Variants in ATP6AP2 observed in about 807,000 individuals in gnomAD.
The protein encoded by ATP6AP2 is renin receptor.
ATP6AP2 carries 1 observed loss-of-function variant against 23.4 expected under a neutral mutation model. That is an observed-to-expected ratio of 0.04 (90% confidence interval 0.02 to 0.20). The LOEUF is 0.20. Among genes scored for constraint, ATP6AP2 ranks in the 10% least tolerant of loss-of-function variants. The pLI is 1.00. For synonymous variants in ATP6AP2, 90 were observed against 97.1 expected, an observed-to-expected ratio of 0.93 and a Z score of 0.43; for missense variants, 174 against 271.3, an observed-to-expected ratio of 0.64 and a Z score of 2.52.
chrX:40,594,565 G>A (rs1249467663), intron 3 of ATP6AP2, among the ~76,000 whole-genome samples: 3 of 112,739 alleles, frequency 2.7e-5, no homozygotes, highest in African/African-American at 9.7e-5. Context: ...CAGAGCGCAT[G>A]GATGGCTCAG....
At chrX:40,594,298 G>T (rs959121581) in intron 3 of ATP6AP2, among the ~76,000 whole-genome samples, 4 of 111,097 alleles carry the variant, frequency 3.6e-5, no homozygotes, top group Non-Finnish European at 5.7e-5. Flanking sequence ...CACCCAGTAG[G>T]CAAAAGCCAG....
At chrX:40,581,858 T>C (rs1162744287) in intron 1 of ATP6AP2, among the ~76,000 whole-genome samples, 1 of 111,635 alleles carries the variant, frequency 9.0e-6, no homozygotes, top group Non-Finnish European at 1.9e-5. Context: ...TTGACAGCAG[T>C]CCTTAGAGGG....
chrX:40,589,035 T>C lies in ATP6AP2; in HGVS notation c.87T>C (p.Val29=), dbSNP rs1297832850. The C allele has an allele frequency of 1.2e-5, 14 of 1,208,290 alleles. No homozygotes were observed. Among genetic ancestry groups the C allele is most frequent in the Non-Finnish European group, 1.6e-5 (14 of 894,124 alleles). ...TATTAAAATCACCAGGGTCTGTTGT[T>C]TTCCGAAATGGAAATTGGCCTATAC... ...FSILKSPGSV[V]FRNGNWPIPG... is the part of the protein sequence containing the mutation. The change falls in exon 2 of 9, where the codon GTT becomes GTC. Residue 29 remains valine (V), a synonymous_variant. Coordinates refer to ENST00000636580, the MANE Select transcript of ATP6AP2 (RefSeq NM_005765.3).
Position 40,605,916 on chromosome X carries a change from T to C in ATP6AP2, c.*161T>C, listed in dbSNP as rs762002816. On this transcript the variant is annotated 3_prime_UTR_variant, in exon 9 of 9. Coordinates refer to ENST00000636580, the MANE Select transcript of ATP6AP2 (RefSeq NM_005765.3). ...GTGTGCCTGTGATGTTTTTCTAGAG[T>C]GAATTATAGTATTGACGTGAATCCC... is the stretch of plus-strand genomic sequence containing the variant. 1 of 477,862 alleles carries C rather than the reference T, an allele frequency of 2.1e-6. No homozygotes were observed. Among genetic ancestry groups the C allele is most frequent in the Admixed American group, 3.8e-5 (1 of 26,521 alleles). The allele number at this position is 477,862 out of a possible 1,213,427, so 39.4% of individuals were successfully genotyped here.
chrX:40,597,698 C>T, intron 5 of ATP6AP2, 34 bp downstream of exon 5: 3 of 1,163,978 alleles, frequency 2.6e-6, no homozygotes, highest in Non-Finnish European at 3.5e-6. Context: ...ACATGAATAT[C>T]ATTAATTTCC....
At chrX:40,595,503 A>G (rs1327284267) in intron 3 of ATP6AP2, among the ~76,000 whole-genome samples, 14 of 112,388 alleles carry the variant, frequency 1.2e-4, no homozygotes, top group African/African-American at 4.5e-4. Flanking sequence ...AGCTGCCTAT[A>G]TAATTATTTC....
intron 8 of ATP6AP2, among the ~76,000 whole-genome samples, chrX:40,604,162 TA>T (rs199588678): frequency 0.11 from 12,288 of 111,241 alleles, 1,269 homozygotes; most frequent in African/African-American, 0.3. Flanking sequence ...CTCTGTATTT[TA>T]AAAAAAAGTG....
In ATP6AP2 at chrX:40,586,326, C is replaced by T. The variant is rs188294498; in HGVS notation, c.38-2660C>T. Among the ~76,000 whole-genome samples, 321 of 111,696 alleles carry T rather than the reference C, an allele frequency of 2.9e-3. 1 individual carries two copies. The highest frequency in any genetic ancestry group is 0.01 in the African/African-American group (310 of 30,749). On this transcript the variant is annotated intron_variant, in intron 1 of 8. Coordinates refer to ENST00000636580, the MANE Select transcript of ATP6AP2 (RefSeq NM_005765.3). ...TGTCCTAGAAGAGTGGCTTCCTTAA[C>T]AAACAGTGAAGGAACAAAGGTCCCT...
rs1057522068 is a variant in ATP6AP2, at chrX:40,605,669, A to G, written c.967A>G (p.Ile323Val). ...IMIALALAVIITSYNIWNMDP... is the reference protein window; with the variant it reads ...IMIALALAVIVTSYNIWNMDP... ...GATCGCCTTGGCCTTGGCTGTGATT[A>G]TCACCTCTTACAATATTTGGAACAT... Residue 323 changes from isoleucine to valine, a missense_variant, in exon 9 of 9, where the codon ATC becomes GTC. By Grantham distance (29) the Ile-to-Val change is conservative. Coordinates refer to ENST00000636580, the MANE Select transcript of ATP6AP2 (RefSeq NM_005765.3). 2.5e-6 allele frequency: 3 copies of G among 1,208,102 alleles called. No individual in the cohort carries two copies. The highest frequency in any genetic ancestry group is 1.7e-5 in the African/African-American group (1 of 57,756).
At chrX:40,599,256 A>G in intron 6 of ATP6AP2, 1 of 262,170 alleles carries the variant, frequency 3.8e-6, no homozygotes, top group African/African-American at 2.8e-5. Context: ...CTGGAAGTGT[A>G]GTGCATTCCT....
chrX:40,597,732 G>T, intron 5 of ATP6AP2, 68 bp downstream of exon 5: 1 of 1,088,164 alleles, frequency 9.2e-7, no homozygotes. Context: ...ATAGAGACAG[G>T]GTCTCACTCT....
chrX:40,598,521 G>C, intron 5 of ATP6AP2, 160 bp from the exon 6 acceptor site: 1 of 535,573 alleles, frequency 1.9e-6, no homozygotes, highest in Non-Finnish European at 3.2e-6. Context: ...TGTTTTATAT[G>C]CATTTTCAAT....
intron 2 of ATP6AP2, chrX:40,589,809 G>A (rs1314445515): frequency 3.6e-5 from 4 of 111,422 alleles, no homozygotes; most frequent in Admixed American, 1.9e-4. Context: ...CAGCTTGCTC[G>A]GTGCTATCAT....
intron 3 of ATP6AP2, chrX:40,596,838 C>A: frequency 8.3e-6 from 1 of 120,289 alleles, no homozygotes; most frequent in Admixed American, 8.4e-5. Context: ...ATTTTTATTT[C>A]AATTAAATTC....
At chrX:40,598,787 T>A in intron 6 of ATP6AP2, 53 bp downstream of exon 6, 2 of 1,102,088 alleles carry the variant, frequency 1.8e-6, no homozygotes, top group Non-Finnish European at 2.5e-6. Context: ...TTCTAGAGAA[T>A]CCTTGAATAA....
In ATP6AP2 at chrX:40,605,940, C is replaced by T. The variant is rs182598020; in HGVS notation, c.*185C>T. ...GTGAATTATAGTATTGACGTGAATC[C>T]CACTGTGGTATAGATTCCATAATAT... On this transcript the variant is annotated 3_prime_UTR_variant, in exon 9 of 9. Transcript: ENST00000636580. The T allele has an allele frequency of 1.4e-4, 61 of 431,392 alleles. 2 individuals carry two copies. In the East Asian group the frequency reaches 2.2e-3, roughly 15 times the overall value. The allele number at this position is 431,392 out of a possible 1,213,427, so 35.6% of individuals were successfully genotyped here.
Position 40,602,667 on chromosome X carries a change from C to A in ATP6AP2, c.858+1786C>A, listed in dbSNP as rs1483820838. On this transcript the variant is annotated intron_variant, in intron 8 of 8. Transcript: ENST00000636580. ...TCCATCTCAAAAAAAAAAAAAAAAA[C>A]CGAATGTGGTAAGCAGGCCGCCCTA... is the stretch of plus-strand genomic sequence containing the variant. Among the ~76,000 whole-genome samples the A allele has an allele frequency of 5.9e-5, 6 of 101,757 alleles. No individual in the cohort carries two copies. The South Asian group carries it at 2.7e-3, about 46-fold the overall frequency. The allele number at this position is 101,757 out of a possible 115,157, so 88.4% of individuals were successfully genotyped here.
intron 3 of ATP6AP2, among the ~76,000 whole-genome samples, chrX:40,593,533 A>C (rs1926698782): frequency 1.8e-5 from 2 of 108,779 alleles, no homozygotes; most frequent in African/African-American, 6.7e-5. Context: ...TTGAGACAGA[A>C]TCTTGCTCTG....
At chrX:40,601,386 T>C (rs1926900785) in intron 8 of ATP6AP2, among the ~76,000 whole-genome samples, 3 of 111,753 alleles carry the variant, frequency 2.7e-5, no homozygotes, top group Admixed American at 9.5e-5. Flanking sequence ...CACATTGTCT[T>C]TGTGGCGTAG....
Sources: gnomAD v4.1 joint callset for allele counts (sites outside exome capture counted in the v4.1 genomes callset) on GRCh38, gnomAD v4.1.1 for gene constraint, MANE v1.5 for transcripts, NCBI Gene and HGNC (gene_info 2026-07-23, HGNC 2026-07-21) for gene names.